The following CARNS1 variants were observed in gnomAD, a reference collection of about 807,000 sequenced individuals.
CARNS1 encodes ATP-grasp domain containing 1.
A neutral mutation model predicts 74.0 loss-of-function variants in CARNS1; 61 were observed. The ratio of observed to expected loss-of-function variants is 0.82; its 90% CI spans 0.67 to 1.02. CARNS1 has a LOEUF of 1.02. Ranked by LOEUF, CARNS1 falls within the 50% of genes least tolerant of loss-of-function variation. The probability of loss-of-function intolerance (pLI) is 0.00; values close to 1 mark genes in which losing one functional copy is unlikely to be tolerated. For missense variants in CARNS1, 1,278 were observed against 1,308.4 expected (o/e 0.98, Z 0.36); for synonymous variants, 568 against 605.5 (o/e 0.94, Z 0.91).
In CARNS1 at chr11:67,419,603, G is replaced by C. The variant is rs1466899800; in HGVS notation, c.969G>C (p.Glu323Asp). The change falls in exon 6 of 10, where the codon GAG becomes GAC. Residue 323 changes from glutamate to aspartate, a missense_variant. Glu to Asp is a conservative substitution (Grantham distance 45). Coordinates refer to ENST00000687366, the MANE Select transcript of CARNS1 (RefSeq NM_001166222.2). ...DTVLALLEKL[E>D]EEESVLVEAV... is the part of the protein sequence containing the mutation. ...TGCTGGCGCTGCTGGAGAAGCTGGA[G>C]GAGGAGGAGAGTGTCCTGGTGGAGG... 1 of 1,604,202 alleles carries C rather than the reference G, an allele frequency of 6.2e-7. No individual in the cohort carries two copies. Among genetic ancestry groups the C allele is most frequent in the South Asian group, 1.1e-5 (1 of 89,580 alleles).
chr11:67,423,391 C>A lies in CARNS1; in HGVS notation c.1643C>A (p.Ser548Ter). 2 of 1,605,548 alleles carry A rather than the reference C, an allele frequency of 1.2e-6. No individual in the cohort carries two copies. Among genetic ancestry groups the A allele is most frequent in the South Asian group, 2.2e-5 (2 of 90,304 alleles). Residue 548 changes from serine to a stop codon, truncating the protein, a stop_gained, in exon 10 of 10, where the codon TCA becomes TAA. Coordinates refer to ENST00000687366, the MANE Select transcript of CARNS1 (RefSeq NM_001166222.2). LOFTEE classifies it high-confidence loss of function. This position sits in a 1 kb window ranked among gnomAD's most constrained non-coding sequence, Gnocchi z 5.1. ...CTTCTGCAGCTGCACCTCGTGGAGT[C>A]AGACCCCAACCACTTTGCATCCCAG... ...DYGLQLHLVE[S>*]DPNHFASQLV...
chr11:67,424,530 G>T lies in CARNS1; in HGVS notation c.2782G>T (p.Gly928Cys). 6.2e-7 allele frequency: 1 copy of T among 1,600,686 alleles called. No individual in the cohort carries two copies. Residue 928 changes from glycine (G) to cysteine (C), a missense_variant, in exon 10 of 10, where the codon GGC becomes TGC. Physicochemically the swap from Gly to Cys is radical, Grantham distance 159. Transcript: ENST00000687366. ...SPTEARLRLL[G>C]LCQGLGIDGP... is the part of the protein sequence containing the mutation. Reference sequence around the variant, plus strand: ...CACCGAGGCCCGTCTCCGCCTGCTGGGCCTCTGCCAGGGCCTGGGCATCGA... The same window carrying T: ...CACCGAGGCCCGTCTCCGCCTGCTGTGCCTCTGCCAGGGCCTGGGCATCGA...
rs376009203 is a variant in CARNS1, at chr11:67,416,229, C to A, written c.3+27C>A. 23 of 1,536,958 alleles carry A rather than the reference C, an allele frequency of 1.5e-5. No homozygotes were observed. In the Admixed American group the frequency reaches 1.8e-4, roughly 12 times the overall value. On this transcript the variant is annotated intron_variant, in intron 2 of 9. Transcript: ENST00000687366. ...TGAGTCTTCTGTGGTCCCTCCCCCA[C>A]AAGGCCCAAGTCCCTGGGCAGAGAG... is the stretch of plus-strand genomic sequence containing the variant.
At position 67,416,213 on chromosome 11, in the gene CARNS1, T is replaced by C. The variant is rs1450095117; in HGVS notation, c.3+11T>C. ...TCCACCCACGAGATGGTGAGTCTTCTGTGGTCCCTCCCCCACAAGGCCCAA... is the reference window on the plus strand; with the variant it reads ...TCCACCCACGAGATGGTGAGTCTTCCGTGGTCCCTCCCCCACAAGGCCCAA... On this transcript the variant is annotated intron_variant, in intron 2 of 9. Transcript: ENST00000687366. 38 of 1,536,848 alleles carry C rather than the reference T, an allele frequency of 2.5e-5. No homozygotes were observed. Among genetic ancestry groups the C allele is most frequent in the Non-Finnish European group, 3.3e-5 (38 of 1,146,678 alleles).
At chr11:67,418,233 C>T (rs1863597656) in intron 3 of CARNS1, among the ~76,000 whole-genome samples, 198 bp from the exon 4 acceptor site, 1 of 152,184 alleles carries the variant, frequency 6.6e-6, no homozygotes, top group Non-Finnish European at 1.5e-5. Flanking sequence ...ACCTCTGGAA[C>T]AGCTGCAGAA....
Position 67,420,792 on chromosome 11 carries a change from C to A in CARNS1, c.1297C>A (p.Leu433Met). ...CGCCGTGCTGGCTCTGGAGGCCGGCCTGAGTGCCGAGCAGCGCGGCGGGCG... is the reference window on the plus strand; with the variant it reads ...CGCCGTGCTGGCTCTGGAGGCCGGCATGAGTGCCGAGCAGCGCGGCGGGCG... Reference protein sequence around the residue: ...LAAVLALEAGLSAEQRGGRRA... With the variant: ...LAAVLALEAGMSAEQRGGRRA... Residue 433 changes from leucine (L) to methionine (M), a missense_variant, in exon 8 of 10, where the codon CTG becomes ATG. Leu to Met is a conservative substitution (Grantham distance 15, BLOSUM62 2). This residue lies in a region of CARNS1 where 1,164 missense variants were observed against 1,156.5 expected (regional missense o/e 1.01). Transcript: ENST00000687366. The A allele has an allele frequency of 8.1e-7, 1 of 1,234,626 alleles. No homozygotes were observed. Among genetic ancestry groups the A allele is most frequent in the African/African-American group, 1.6e-5 (1 of 63,866 alleles). 76.5% of individuals were successfully genotyped at this position (1,234,626 alleles called of 1,614,324 possible).
chr11:67,416,598 C>T (rs2135077510), intron 2 of CARNS1: 1 of 1,046,532 alleles, frequency 9.6e-7, no homozygotes, highest in South Asian at 3.2e-5. Flanking sequence ...GGGCAGGCAC[C>T]AGGCAACAAG....
chr11:67,421,277 G>C, intron 9 of CARNS1, 58 bp downstream of exon 9: 1 of 1,383,894 alleles, frequency 7.2e-7, no homozygotes, highest in Non-Finnish European at 9.3e-7. Flanking sequence ...GGTGGAGGCG[G>C]GACCCCGGGG....
chr11:67,415,956 C>A, intron 1 of CARNS1, 193 bp downstream of exon 1: 1 of 500,908 alleles, frequency 2.0e-6, no homozygotes, highest in East Asian at 3.7e-5. Context: ...GACCCCAGGG[C>A]AGGAAGGACC....
At position 67,425,272 on chromosome 11, in the gene CARNS1, G is replaced by A. The variant is rs1863803691; in HGVS notation, c.*671G>A. On this transcript the variant is annotated 3_prime_UTR_variant, in exon 10 of 10. Coordinates refer to ENST00000687366, the MANE Select transcript of CARNS1 (RefSeq NM_001166222.2). ...ACTGCTCCAGGATTATACCACAGTG[G>A]AGAGCGGGTCACAGGACATGATGCA... is the stretch of plus-strand genomic sequence containing the variant. 5.6e-6 allele frequency: 2 copies of A among 357,878 alleles called. No homozygotes were observed. Among genetic ancestry groups the A allele is most frequent in the African/African-American group, 4.3e-5 (2 of 46,764 alleles). The allele number at this position is 357,878 out of a possible 1,614,324, so 22.2% of individuals were successfully genotyped here.
At chr11:67,416,595 C>T in intron 2 of CARNS1, 1 of 1,048,824 alleles carries the variant, frequency 9.5e-7, no homozygotes, top group African/African-American at 1.7e-5. Context: ...AGAGGGCAGG[C>T]ACCAGGCAAC....
intron 8 of CARNS1, 22 bp downstream of exon 8, chr11:67,420,862 CG>C (rs1216453396): frequency 3.2e-6 from 4 of 1,267,944 alleles, no homozygotes; most frequent in South Asian, 2.5e-5. Context: ...CGGCCGGGGC[CG>C]GGGCCGGGAG....
At position 67,424,633 on chromosome 11, in the gene CARNS1, G is replaced by T; in HGVS notation, c.*32G>T. The T allele has an allele frequency of 6.4e-7, 1 of 1,571,772 alleles. No individual in the cohort carries two copies. On this transcript the variant is annotated 3_prime_UTR_variant, in exon 10 of 10. Coordinates refer to ENST00000687366, the MANE Select transcript of CARNS1 (RefSeq NM_001166222.2). ...GGTCAGGGGGCAGGGAAGCAGTGCTGGGTGGAGGCACTGTGGTGCCCTCTG... is the reference window on the plus strand; with the variant it reads ...GGTCAGGGGGCAGGGAAGCAGTGCTTGGTGGAGGCACTGTGGTGCCCTCTG...
At chr11:67,418,543 CCATCCCCTT>C (rs1368928360) in intron 4 of CARNS1, 23 bp downstream of exon 4, 1 of 1,525,232 alleles carries the variant, frequency 6.6e-7, no homozygotes, top group Admixed American at 2.0e-5. Flanking sequence ...TCAAGTTTCC[CCATCCCCTT>C]CTACAGAAAG....
chr11:67,421,223 G>T lies in CARNS1; in HGVS notation c.1626+4G>T. Reference sequence around the variant, plus strand: ...GGCGCGCGACTACGGGCTCCAGGTGGGCGGGGCGCGGGGCGGGGCTGGGCC... The same window carrying T: ...GGCGCGCGACTACGGGCTCCAGGTGTGCGGGGCGCGGGGCGGGGCTGGGCC... On this transcript the variant is annotated splice_donor_region_variant and intron_variant, in intron 9 of 9. Coordinates refer to ENST00000687366, the MANE Select transcript of CARNS1 (RefSeq NM_001166222.2). The T allele has an allele frequency of 6.7e-7, 1 of 1,485,238 alleles. No homozygotes were observed. The highest frequency in any genetic ancestry group is 2.9e-5 in the East Asian group (1 of 34,214). 92.0% of individuals were successfully genotyped at this position (1,485,238 alleles called of 1,614,324 possible).
intron 9 of CARNS1, among the ~76,000 whole-genome samples, chr11:67,422,867 G>A (rs191580505): frequency 6.2e-4 from 95 of 152,318 alleles, no homozygotes; most frequent in Admixed American, 1.0e-3. Context: ...GCCCTGCCCT[G>A]GGTTCCCCCA....
In CARNS1 at chr11:67,419,011, CCCGGCTGCTGGAGGA is replaced by C. The variant is rs1863619763; in HGVS notation, c.631_645del (p.Glu211_Leu215del). ...CCCACAGGAGCTTCGGCTGAGCTGG[CCCGGCTGCTGGAGGA>C]CCGGCTGCTGACAAGGCAGTTGCTG... On this transcript the variant is annotated inframe_deletion, in exon 5 of 10. Coordinates refer to ENST00000687366, the MANE Select transcript of CARNS1 (RefSeq NM_001166222.2). 5.8e-6 allele frequency: 9 copies of C among 1,559,410 alleles called. No homozygotes were observed. The highest frequency in any genetic ancestry group is 7.8e-6 in the Non-Finnish European group (9 of 1,152,766).
chr11:67,422,171 CTTTTTTTTTTTT>C lies in CARNS1; in HGVS notation c.1626+971_1626+982del, dbSNP rs35293042. Reference sequence around the variant, plus strand: ...ACAGGCGTGAGCCACCGCGCCCGGCCTTTTTTTTTTTTTTTTTTTTTTTTTTTTTTAATACGG... The same window carrying C: ...ACAGGCGTGAGCCACCGCGCCCGGCCTTTTTTTTTTTTTTTTTTAATACGG... On this transcript the variant is annotated intron_variant, in intron 9 of 9. Coordinates refer to ENST00000687366, the MANE Select transcript of CARNS1 (RefSeq NM_001166222.2). Among the ~76,000 whole-genome samples the C allele has an allele frequency of 3.0e-3, 219 of 72,796 alleles. 5 individuals carry two copies. The highest frequency in any genetic ancestry group is 0.018 in the African/African-American group (206 of 11,586). 47.8% of individuals were successfully genotyped at this position (72,796 alleles called of 152,430 possible). A position where few individuals can be genotyped will look rare whatever the true frequency, so the allele number is the denominator to read the frequency against.
Position 67,420,667 on chromosome 11 carries a change from G to C in CARNS1, c.1172G>C (p.Arg391Thr). 2 of 1,259,468 alleles carry C rather than the reference G, an allele frequency of 1.6e-6. No individual in the cohort carries two copies. The highest frequency in any genetic ancestry group is 2.0e-6 in the Non-Finnish European group (2 of 1,004,112). The allele number at this position is 1,259,468 out of a possible 1,614,324, so 78.0% of individuals were successfully genotyped here. ...RPLRHHNSLPRTLEVALAQCG... is the reference protein window; with the variant it reads ...RPLRHHNSLPTTLEVALAQCG... ...CTACGGCACCACAACTCCCTGCCGA[G>C]GACGCTGGAGGTGGCGCTGGCCCAG... Residue 391 changes from arginine to threonine, a missense_variant, in exon 8 of 10, where the codon AGG (arginine) becomes ACG (threonine). Transcript: ENST00000687366.
Sources: allele counts gnomAD v4.1 joint callset (sites outside exome capture counted in the v4.1 genomes callset), GRCh38; gene constraint gnomAD v4.1.1; regional missense constraint gnomAD v4.1.1; non-coding constraint Gnocchi (gnomAD v3.1); transcripts MANE v1.5; gene names NCBI Gene and HGNC (gene_info 2026-07-23, HGNC 2026-07-21).